The following CCBE1 variants were observed in gnomAD, a reference collection of about 807,000 sequenced individuals.
CCBE1 encodes the protein collagen and calcium binding EGF domains 1.
In CCBE1, 37 loss-of-function variants were observed where a neutral mutation model predicts 50.0. That is an observed-to-expected ratio of 0.74 (90% CI 0.57 to 0.97). CCBE1 has a LOEUF of 0.97. CCBE1 is among the 50% of genes least tolerant of loss of function. CCBE1 has a pLI of 0.00. For missense variants in CCBE1, 538 were observed against 523.8 expected, an observed-to-expected ratio of 1.03 and a Z score of -0.26; for synonymous variants, 234 against 203.7, an observed-to-expected ratio of 1.15 and a Z score of -1.27.
In CCBE1 at chr18:59,601,010, G is replaced by GTTTTTTTTTTTTT. The variant is rs71177045; in HGVS notation, c.212+95606_212+95618dup. ...GATCTATTTTATTAGCTATGTGTCA[G>GTTTTTTTTTTTTT]TTTTTTTTTTTTTTTTTTTTTTTTT... On this transcript the variant is annotated intron_variant, in intron 2 of 10. Transcript: ENST00000439986. Among the ~76,000 whole-genome samples, 46 of 58,014 alleles carry GTTTTTTTTTTTTT rather than the reference G, an allele frequency of 7.9e-4. 15 individuals are homozygous for GTTTTTTTTTTTTT. The highest frequency in any genetic ancestry group is 1.1e-3 in the East Asian group (2 of 1,804). 38.1% of individuals were successfully genotyped at this position (58,014 alleles called of 152,430 possible).
At chr18:59,443,476 T>G (rs1024885246) in intron 7 of CCBE1, among the ~76,000 whole-genome samples, 2 of 152,014 alleles carry the variant, frequency 1.3e-5, no homozygotes, top group Non-Finnish European at 2.9e-5. Flanking sequence ...CAACTTTTTT[T>G]TTTTTTTTGA....
Position 59,697,240 on chromosome 18 carries a change from AG to A in CCBE1, c.102del (p.Tyr35ThrfsTer26). 6.5e-7 allele frequency: 1 copy of A among 1,549,130 alleles called. No individual in the cohort carries two copies. Among genetic ancestry groups the A allele is most frequent in the Non-Finnish European group, 8.7e-7 (1 of 1,146,694 alleles). The part of the protein sequence containing the change: ...LLLLALGHTW[T>X]YREEPEDGDR... ...TCGCCGTCCTCCGGCTCCTCTCTGTAGGTCCACGTGTGTCCCAACGCCAGGA... is the reference window on the plus strand; with the variant it reads ...TCGCCGTCCTCCGGCTCCTCTCTGTAGTCCACGTGTGTCCCAACGCCAGGA... On this transcript the variant is annotated frameshift_variant, in exon 1 of 11. Transcript: ENST00000439986. LOFTEE classifies it high-confidence loss of function.
intron 2 of CCBE1, among the ~76,000 whole-genome samples, chr18:59,543,413 T>G (rs1305108155): frequency 1.3e-5 from 2 of 152,224 alleles, no homozygotes; most frequent in Admixed American, 1.3e-4. Context: ...ATATGGCTAA[T>G]ATTTAGGATT....
intron 2 of CCBE1, among the ~76,000 whole-genome samples, chr18:59,645,530 C>T (rs1291836979): frequency 2.0e-5 from 3 of 152,200 alleles, no homozygotes; most frequent in Non-Finnish European, 4.4e-5. Flanking sequence ...ATATCCCATT[C>T]CATCAAGGTC....
At chr18:59,515,611 A>C (rs1914335128) in intron 2 of CCBE1, among the ~76,000 whole-genome samples, 1 of 152,190 alleles carries the variant, frequency 6.6e-6, no homozygotes, top group Non-Finnish European at 1.5e-5. Context: ...AAATTAATTA[A>C]ATAGTAAGAA....
intron 3 of CCBE1, among the ~76,000 whole-genome samples, chr18:59,474,098 A>G (rs183043201): frequency 6.6e-6 from 1 of 152,308 alleles, no homozygotes; most frequent in Admixed American, 6.5e-5. Context: ...GTAGTATTCC[A>G]TGGTGTATAT....
chr18:59,539,474 T>A (rs1475238252), intron 2 of CCBE1, among the ~76,000 whole-genome samples: 3 of 152,174 alleles, frequency 2.0e-5, no homozygotes, highest in Non-Finnish European at 1.5e-5. Context: ...CACCTGATTG[T>A]AGCCTATGAG....
intron 2 of CCBE1, among the ~76,000 whole-genome samples, chr18:59,538,109 C>T (rs1313357098): frequency 6.6e-6 from 1 of 152,272 alleles, no homozygotes; most frequent in Non-Finnish European, 1.5e-5. Flanking sequence ...CACCTAAAGA[C>T]TTATGGTCCC....
intron 2 of CCBE1, among the ~76,000 whole-genome samples, chr18:59,583,654 C>CGTGTGTGTGTGTGT (rs752150539): frequency 2.0e-4 from 28 of 142,218 alleles, no homozygotes; most frequent in African/African-American, 7.3e-4. Flanking sequence ...CACTGCTTTG[C>CGTGTGTGTGTGTGT]GTGTGTGTGT....
At chr18:59,570,305 C>T (rs2052890680) in intron 2 of CCBE1, among the ~76,000 whole-genome samples, 1 of 152,130 alleles carries the variant, frequency 6.6e-6, no homozygotes, top group Non-Finnish European at 1.5e-5. Context: ...AACATGAACC[C>T]ACACAAAAGA....
chr18:59,547,871 C>CGAGA (rs1399214665), intron 2 of CCBE1, among the ~76,000 whole-genome samples: 17 of 152,156 alleles, frequency 1.1e-4, no homozygotes, highest in African/African-American at 4.1e-4. Flanking sequence ...AGGAGAAAAC[C>CGAGA]GAGATCATCC....
At chr18:59,668,462 TGCTTTATAAAA>T (rs2054386406) in intron 2 of CCBE1, among the ~76,000 whole-genome samples, 2 of 150,342 alleles carry the variant, frequency 1.3e-5, no homozygotes, top group Non-Finnish European at 2.9e-5. Flanking sequence ...CATATATACA[TGCTTTATAAAA>T]ATGAATATAT....
At chr18:59,456,090 T>C (rs1203420937) in intron 5 of CCBE1, among the ~76,000 whole-genome samples, 2 of 152,094 alleles carry the variant, frequency 1.3e-5, no homozygotes, top group African/African-American at 2.4e-5. Flanking sequence ...TGAAGCCTGC[T>C]CTCTACCCAC....
At chr18:59,446,056 T>C (rs577216699) in intron 7 of CCBE1, among the ~76,000 whole-genome samples, 1 of 152,308 alleles carries the variant, frequency 6.6e-6, no homozygotes, top group East Asian at 1.9e-4. Flanking sequence ...TAAGTCTCAG[T>C]GGTGGGTACC....
Position 59,435,006 on chromosome 18 carries a change from CCTCT to C in CCBE1, c.*898_*901del, listed in dbSNP as rs1164722348. 1 of 152,206 alleles carries C rather than the reference CCTCT, an allele frequency of 6.6e-6. No homozygotes were observed. 9.4% of individuals were successfully genotyped at this position (152,206 alleles called of 1,614,324 possible). On this transcript the variant is annotated 3_prime_UTR_variant, in exon 11 of 11. Coordinates refer to ENST00000439986, the MANE Select transcript of CCBE1 (RefSeq NM_133459.4). ...CCTGCTCAGAACCAGGAATTCTGCA[CCTCT>C]CTCTAAGCTCAGCCAGTTTATTGAA...
chr18:59,542,905 T>C (rs969534180), intron 2 of CCBE1, among the ~76,000 whole-genome samples: 30 of 152,214 alleles, frequency 2.0e-4, no homozygotes, highest in African/African-American at 7.2e-4. Context: ...CCCCCATGAC[T>C]ACTGAACTCT....
chr18:59,436,336 G>A (rs147964524), intron 10 of CCBE1, among the ~76,000 whole-genome samples, 195 bp from the exon 11 acceptor site: 6 of 152,200 alleles, frequency 3.9e-5, no homozygotes, highest in Non-Finnish European at 8.8e-5. Context: ...TCTCAGCTGA[G>A]CTTTGGTGAT....
intron 2 of CCBE1, among the ~76,000 whole-genome samples, chr18:59,571,219 A>G (rs2052908821): frequency 1.3e-5 from 2 of 152,166 alleles, no homozygotes; most frequent in South Asian, 4.1e-4. Context: ...TTACATTATT[A>G]TGTAACTTTT....
chr18:59,599,031 G>C (rs534663155), intron 2 of CCBE1, among the ~76,000 whole-genome samples: 1 of 152,282 alleles, frequency 6.6e-6, no homozygotes, highest in East Asian at 1.9e-4. Flanking sequence ...CTTCTAGGTG[G>C]ACACTTTACT....
Sources: allele counts gnomAD v4.1 joint callset (sites outside exome capture counted in the v4.1 genomes callset), GRCh38; gene constraint gnomAD v4.1.1; transcripts MANE v1.5; gene names NCBI Gene and HGNC (gene_info 2026-07-23, HGNC 2026-07-21).